The following SCAPER variants were observed in gnomAD, a reference collection of about 807,000 sequenced individuals.
SCAPER encodes S-phase cyclin A associated protein in the ER.
In SCAPER, 98 loss-of-function variants were observed where a neutral mutation model predicts 182.2. The ratio of observed to expected loss-of-function variants is 0.54; its 90% confidence interval spans 0.46 to 0.64. SCAPER has a LOEUF of 0.64. Among genes scored for constraint, SCAPER ranks in the 30% least tolerant of loss-of-function variants. The pLI, the probability that SCAPER is intolerant of heterozygous loss-of-function variation, is 0.00. For synonymous variants in SCAPER, 605 were observed against 564.6 expected, an observed-to-expected ratio of 1.07 and a Z score of -1.01; for missense variants, 1,432 against 1,690.0, an observed-to-expected ratio of 0.85 and a Z score of 2.68.
At chr15:76,850,625 C>G (rs1019549697) in intron 4 of SCAPER, among the ~76,000 whole-genome samples, 5 of 152,038 alleles carry the variant, frequency 3.3e-5, no homozygotes, top group Admixed American at 6.6e-5. Flanking sequence ...CTTTGAGAGG[C>G]TAAGGAAGGA....
At chr15:76,788,601 G>C (rs889831663) in intron 8 of SCAPER, among the ~76,000 whole-genome samples, 1 of 152,150 alleles carries the variant, frequency 6.6e-6, no homozygotes, top group Admixed American at 6.5e-5. Flanking sequence ...ATACAAAACT[G>C]TATGTTCGTA....
chr15:76,717,595 C>T (rs1408589007), intron 17 of SCAPER, among the ~76,000 whole-genome samples: 3 of 152,042 alleles, frequency 2.0e-5, no homozygotes, highest in Non-Finnish European at 4.4e-5. Context: ...CAACTTAAAA[C>T]AGCTGATAAC....
In SCAPER at chr15:76,871,071, A is replaced by T. The variant is rs113121285; in HGVS notation, c.7-8538T>A. On this transcript the variant is annotated intron_variant, in intron 2 of 31. Transcript: ENST00000563290. ...CAAGAAAATACCTTCAAAGTGAAAAAGTAAGTAACTGCCATGCAGAAATAT... is the reference window on the plus strand; with the variant it reads ...CAAGAAAATACCTTCAAAGTGAAAATGTAAGTAACTGCCATGCAGAAATAT... Among the ~76,000 whole-genome samples, 1,198 of 152,272 alleles carry T rather than the reference A, an allele frequency of 7.9e-3. 11 individuals carry two copies. The highest frequency in any genetic ancestry group is 0.027 in the African/African-American group (1,137 of 41,548).
At chr15:76,366,010 C>A (rs2041785245) in intron 29 of SCAPER, among the ~76,000 whole-genome samples, 1 of 152,062 alleles carries the variant, frequency 6.6e-6, no homozygotes, top group South Asian at 2.1e-4. Flanking sequence ...ATGCCACCCC[C>A]AAATTCTCAA....
intron 27 of SCAPER, among the ~76,000 whole-genome samples, chr15:76,389,712 G>T (rs1275978549): frequency 1.3e-5 from 2 of 151,168 alleles, no homozygotes; most frequent in African/African-American, 4.9e-5. Flanking sequence ...CAGCTACATG[G>T]GGGGCTAAGG....
At chr15:76,738,956 T>C (rs2061416542) in intron 15 of SCAPER, among the ~76,000 whole-genome samples, 1 of 152,196 alleles carries the variant, frequency 6.6e-6, no homozygotes, top group Non-Finnish European at 1.5e-5. Context: ...TCAGTAAGTA[T>C]CTTTGAAGCC....
chr15:76,479,998 G>A (rs956685516), intron 24 of SCAPER, among the ~76,000 whole-genome samples: 7 of 152,138 alleles, frequency 4.6e-5, no homozygotes, highest in South Asian at 2.1e-4. Flanking sequence ...ATCAATTATC[G>A]TTTTGCCCTC....
At chr15:76,849,816 T>C (rs1338826638) in intron 4 of SCAPER, among the ~76,000 whole-genome samples, 1 of 152,172 alleles carries the variant, frequency 6.6e-6, no homozygotes, top group Non-Finnish European at 1.5e-5. Flanking sequence ...GAAAGAGGTT[T>C]AATTGACTCA....
intron 8 of SCAPER, among the ~76,000 whole-genome samples, chr15:76,791,555 C>T (rs1215922502): frequency 6.6e-6 from 1 of 151,928 alleles, no homozygotes; most frequent in East Asian, 1.9e-4. Flanking sequence ...GCAACTGGAA[C>T]TTCGGGGCAA....
intron 24 of SCAPER, among the ~76,000 whole-genome samples, chr15:76,495,923 A>C (rs1186317181): frequency 6.6e-6 from 1 of 151,626 alleles, no homozygotes; most frequent in Non-Finnish European, 1.5e-5. Flanking sequence ...TAGCTGTAGG[A>C]TTAAAGTTCT....
intron 15 of SCAPER, among the ~76,000 whole-genome samples, chr15:76,735,716 A>C (rs1208601006): frequency 6.6e-6 from 1 of 151,790 alleles, no homozygotes; most frequent in Non-Finnish European, 1.5e-5. Flanking sequence ...AAAAAAAAGA[A>C]AGAAAAAAAG....
In SCAPER at chr15:76,603,973, T is replaced by A. The variant is rs1294432897; in HGVS notation, c.2711+17791A>T. ...CAAAAATCTTCTCCCATTCTGTAGG[T>A]TGCCTGTTCAGTCTGATGGTAGTTT... On this transcript the variant is annotated intron_variant, in intron 22 of 31. Transcript: ENST00000563290. Among the ~76,000 whole-genome samples, 3 of 121,834 alleles carry A rather than the reference T, an allele frequency of 2.5e-5. 1 individual carries two copies. In the East Asian group the frequency reaches 6.6e-4, roughly 27 times the overall value. The allele number at this position is 121,834 out of a possible 152,430, so 79.9% of individuals were successfully genotyped here.
At chr15:76,657,631 G>A (rs2055773530) in intron 21 of SCAPER, among the ~76,000 whole-genome samples, 1 of 148,406 alleles carries the variant, frequency 6.7e-6, no homozygotes, top group Non-Finnish European at 1.5e-5. Context: ...AAGAACACAG[G>A]CCATTATTCA....
chr15:76,621,722 C>G, intron 22 of SCAPER, 42 bp downstream of exon 22: 5 of 1,463,940 alleles, frequency 3.4e-6, no homozygotes, highest in Non-Finnish European at 4.7e-6. Flanking sequence ...TTGTTACAGG[C>G]ATAGACTGAA....
At chr15:76,593,533 C>T (rs1399570798) in intron 22 of SCAPER, among the ~76,000 whole-genome samples, 3 of 121,302 alleles carry the variant, frequency 2.5e-5, no homozygotes, top group Admixed American at 9.3e-5. Context: ...CTGGGAGACA[C>T]CTCCCAGCAA....
At chr15:76,545,045 C>T (rs2045137042) in intron 23 of SCAPER, among the ~76,000 whole-genome samples, 1 of 152,114 alleles carries the variant, frequency 6.6e-6, no homozygotes, top group Admixed American at 6.5e-5. Context: ...TTGGCTTCTT[C>T]CCATAACTTA....
intron 27 of SCAPER, among the ~76,000 whole-genome samples, chr15:76,389,895 C>T (rs2043563740): frequency 6.6e-6 from 1 of 151,304 alleles, no homozygotes; most frequent in Non-Finnish European, 1.5e-5. Flanking sequence ...GTAGGACAGG[C>T]TCAGATACCT....
chr15:76,871,503 T>C (rs1282791559), intron 2 of SCAPER, among the ~76,000 whole-genome samples: 3 of 149,766 alleles, frequency 2.0e-5, no homozygotes, highest in South Asian at 4.2e-4. Context: ...CAAGATGGGA[T>C]AGCGATGGGG....
chr15:76,682,633 C>G (rs1172781409), intron 20 of SCAPER, among the ~76,000 whole-genome samples: 1 of 152,142 alleles, frequency 6.6e-6, no homozygotes, highest in East Asian at 1.9e-4. Flanking sequence ...CTCGAAAAAG[C>G]ACTTTAGCTG....
Sources: gnomAD v4.1 joint callset for allele counts (sites outside exome capture counted in the v4.1 genomes callset) on GRCh38, gnomAD v4.1.1 for gene constraint, MANE v1.5 for transcripts, NCBI Gene and HGNC (gene_info 2026-07-23, HGNC 2026-07-21) for gene names.